Variants in PRKCZ observed in about 807,000 individuals in gnomAD.
PRKCZ encodes protein kinase C zeta.
In PRKCZ, 33 loss-of-function variants were observed where a neutral mutation model predicts 79.5. The observed-to-expected ratio is 0.41, with a 90% CI of 0.31 to 0.55. The LOEUF (loss-of-function observed/expected upper bound fraction) is 0.55, where lower values mean the gene tolerates loss of function less well. Ranked by LOEUF, PRKCZ falls within the 20% of genes least tolerant of loss-of-function variation. The pLI is 0.19. For synonymous variants in PRKCZ, 342 were observed against 320.9 expected, an observed-to-expected ratio of 1.07 and a Z score of -0.70; for missense variants, 578 against 813.5, an observed-to-expected ratio of 0.71 and a Z score of 3.52.
intron 4 of PRKCZ, among the ~76,000 whole-genome samples, chr1:2,109,628 C>T (rs906800549): frequency 2.6e-4 from 40 of 152,274 alleles, no homozygotes; most frequent in Admixed American, 7.2e-4. Context: ...ATGGAGAGTC[C>T]CGGCCGTGGT....
Position 2,075,496 on chromosome 1 carries a change from A to T in PRKCZ, c.334+15905A>T, listed in dbSNP as rs1014868689. 6.6e-6 allele frequency: 1 copy of T among 152,118 alleles called. No individual in the cohort carries two copies. The highest frequency in any genetic ancestry group is 1.5e-5 in the Non-Finnish European group (1 of 68,056). 9.4% of individuals were successfully genotyped at this position (152,118 alleles called of 1,614,324 possible). A position where few individuals can be genotyped will look rare whatever the true frequency, so the allele number is the denominator to read the frequency against. ...GTACCTGTGTCTGTGTCTCGGCCAG[A>T]TCGGCACACATCTTCCGCGTTCCTG... On this transcript the variant is annotated intron_variant, in intron 4 of 17. Coordinates refer to ENST00000378567, the MANE Select transcript of PRKCZ (RefSeq NM_002744.6). The surrounding 1 kb of genome is among the most constrained non-coding windows in gnomAD (Gnocchi z 4.8).
intron 10 of PRKCZ, among the ~76,000 whole-genome samples, chr1:2,160,767 A>C (rs1333993639): frequency 6.6e-6 from 1 of 152,028 alleles, no homozygotes; most frequent in Non-Finnish European, 1.5e-5. Context: ...AAGTCAGGGC[A>C]GTGCTGGCCA....
chr1:2,080,632 C>T (rs934057893), intron 4 of PRKCZ, among the ~76,000 whole-genome samples: 1 of 152,176 alleles, frequency 6.6e-6, no homozygotes, highest in Non-Finnish European at 1.5e-5. Flanking sequence ...CTCCCTGCTC[C>T]CTCCTGGTCA....
Position 2,177,881 on chromosome 1 carries a change from T to C in PRKCZ, c.1575+2568T>C, listed in dbSNP as rs1381169261. On this transcript the variant is annotated intron_variant, in intron 16 of 17. Coordinates refer to ENST00000378567, the MANE Select transcript of PRKCZ (RefSeq NM_002744.6). This position sits in a 1 kb window ranked among gnomAD's most constrained non-coding sequence, Gnocchi z 6.4. ...GGCCTGCGAAGGGCTTGCCACCGAC[T>C]GCCAGCCCTGCCTCTGCCACCGACC... Among the ~76,000 whole-genome samples, 2 of 151,994 alleles carry C rather than the reference T, an allele frequency of 1.3e-5. No individual in the cohort carries two copies. The highest frequency in any genetic ancestry group is 2.9e-5 in the Non-Finnish European group (2 of 68,008).
intron 4 of PRKCZ, among the ~76,000 whole-genome samples, chr1:2,101,449 C>G (rs12087911): frequency 4.6e-5 from 7 of 152,316 alleles, no homozygotes; most frequent in Admixed American, 3.9e-4. Flanking sequence ...GGGACAACCC[C>G]TGGTGCGAGA....
At chr1:2,074,254 A>C (rs1661969586) in intron 4 of PRKCZ, 4 of 1,550,306 alleles carry the variant, frequency 2.6e-6, no homozygotes, top group Non-Finnish European at 3.5e-6. Context: ...CTGGAGGGAC[A>C]TGCTCACCCC....
At chr1:2,169,366 G>C (rs2100250454) in intron 10 of PRKCZ, 152 bp from the exon 11 acceptor site, 4 of 719,956 alleles carry the variant, frequency 5.6e-6, no homozygotes, top group Non-Finnish European at 1.0e-5. Flanking sequence ...GCCCCTCTCT[G>C]CTGCCAGGGT....
intron 10 of PRKCZ, among the ~76,000 whole-genome samples, chr1:2,157,269 C>T (rs956893936): frequency 1.3e-5 from 2 of 152,144 alleles, no homozygotes; most frequent in African/African-American, 4.8e-5. Flanking sequence ...CAGGCATGCC[C>T]GGAAGTCATG....
intron 4 of PRKCZ, among the ~76,000 whole-genome samples, chr1:2,116,910 TC>T (rs943048547): frequency 4.4e-4 from 67 of 152,284 alleles, no homozygotes; most frequent in African/African-American, 1.4e-3. Context: ...AGGTTTCCAA[TC>T]CGTGAACATA....
Position 2,088,439 on chromosome 1 carries a change from G to C in PRKCZ, c.334+28848G>C, listed in dbSNP as rs1030563607. On this transcript the variant is annotated intron_variant, in intron 4 of 17. Transcript: ENST00000378567. ...TGGTTGCATCCTTAGGGCTGAAAAT[G>C]GTGCCTGGGACCCAGCAGGGCTCCC... Among the ~76,000 whole-genome samples the C allele has an allele frequency of 3.7e-4, 57 of 152,180 alleles. 1 individual carries two copies. The highest frequency in any genetic ancestry group is 1.4e-3 in the African/African-American group (57 of 41,446).
upstream of PRKCZ, among the ~76,000 whole-genome samples, chr1:2,048,518 GGAGGCCGGGGCAGCAAAGAGGCCTC>G (rs551785037): frequency 2.5e-3 from 380 of 152,322 alleles, 1 homozygote; most frequent in African/African-American, 8.9e-3. Context: ...GTGCAAAGAC[GGAGGCCGGGGCAGCAAAGAGGCCTC>G]GAGGCCGGGG....
At chr1:2,097,906 A>G (rs1037639364) in intron 4 of PRKCZ, among the ~76,000 whole-genome samples, 4 of 152,262 alleles carry the variant, frequency 2.6e-5, no homozygotes, top group African/African-American at 7.2e-5. Flanking sequence ...ATCCTAACGC[A>G]GCCAGTCCCT....
At chr1:2,119,692 G>A (rs917510151) in intron 4 of PRKCZ, among the ~76,000 whole-genome samples, 9 of 152,018 alleles carry the variant, frequency 5.9e-5, no homozygotes, top group East Asian at 1.9e-4. Flanking sequence ...GCAGGACGGC[G>A]CTTACATGGA....
intron 4 of PRKCZ, among the ~76,000 whole-genome samples, chr1:2,069,302 G>A (rs1465935745): frequency 6.6e-6 from 1 of 152,180 alleles, no homozygotes; most frequent in African/African-American, 2.4e-5. Flanking sequence ...TGGTCCAGGA[G>A]GTGATGGGCA....
At position 2,074,693 on chromosome 1, in the gene PRKCZ, A is replaced by G. The variant is rs375333408; in HGVS notation, c.334+15102A>G. On this transcript the variant is annotated intron_variant, in intron 4 of 17. Coordinates refer to ENST00000378567, the MANE Select transcript of PRKCZ (RefSeq NM_002744.6). ...CAGCCAGGGTTAATGTGCACGGCTC[A>G]CTCCATCGGGGTCCTCGGATGGTGG... The G allele has an allele frequency of 3.8e-4, 93 of 246,972 alleles. No individual in the cohort carries two copies. The East Asian group carries it at 8.4e-3, about 22-fold the overall frequency. The allele number at this position is 246,972 out of a possible 1,614,324, so 15.3% of individuals were successfully genotyped here.
rs767200107 is a variant in PRKCZ at position 2,173,336 on chromosome 1, G to A, written c.1286-561G>A. Among the ~76,000 whole-genome samples, 9 of 152,160 alleles carry A rather than the reference G, an allele frequency of 5.9e-5. No individual in the cohort carries two copies. The highest frequency in any genetic ancestry group is 1.9e-4 in the East Asian group (1 of 5,194). On this transcript the variant is annotated intron_variant, in intron 13 of 17. Transcript: ENST00000378567. This position sits in a 1 kb window ranked among gnomAD's most constrained non-coding sequence, Gnocchi z 5.7. ...GAACCCAGCTTGGGATGGGGATTCC[G>A]TGTGGGACAGCGGCAGCGTCTCACC...
intron 3 of PRKCZ, among the ~76,000 whole-genome samples, chr1:2,057,572 A>C (rs957660783): frequency 2.0e-5 from 3 of 152,152 alleles, no homozygotes; most frequent in Non-Finnish European, 2.9e-5. Flanking sequence ...GAGGCTCTAA[A>C]TTTAAAGACT....
chr1:2,135,286 G>T lies in PRKCZ; in HGVS notation c.359G>T (p.Arg120Ile), dbSNP rs1675954150. ...EDKSIYRRGARRWRKLYRANG... is the reference protein window; with the variant it reads ...EDKSIYRRGAIRWRKLYRANG... ...GAATCTATCTACCGCCGGGGAGCCAGAAGATGGAGGAAGCTGTACCGTGCC... is the reference window on the plus strand; with the variant it reads ...GAATCTATCTACCGCCGGGGAGCCATAAGATGGAGGAAGCTGTACCGTGCC... The change falls in exon 5 of 18, where the codon AGA becomes ATA. Residue 120 changes from arginine to isoleucine, a missense_variant. Arg to Ile is a moderately conservative substitution (Grantham distance 97, BLOSUM62 -3). Coordinates refer to ENST00000378567, the MANE Select transcript of PRKCZ (RefSeq NM_002744.6). 1.2e-6 allele frequency: 2 copies of T among 1,613,282 alleles called. No individual in the cohort carries two copies. Among genetic ancestry groups the T allele is most frequent in the Admixed American group, 3.3e-5 (2 of 59,972 alleles).
chr1:2,140,381 G>A (rs893729659), intron 5 of PRKCZ, among the ~76,000 whole-genome samples: 2 of 152,118 alleles, frequency 1.3e-5, no homozygotes, highest in African/African-American at 2.4e-5. Context: ...GGCCGGGCGC[G>A]GTGGCTCACG....
Sources: gnomAD v4.1 joint callset for allele counts (sites outside exome capture counted in the v4.1 genomes callset) on GRCh38, gnomAD v4.1.1 for gene constraint, Gnocchi (gnomAD v3.1) non-coding constraint, MANE v1.5 for transcripts, NCBI Gene and HGNC (gene_info 2026-07-23, HGNC 2026-07-21) for gene names.